The following CADPS variants were observed in gnomAD, a reference collection of about 807,000 sequenced individuals.
CADPS encodes calcium-dependent secretion activator 1.
Under a neutral mutation model 167.3 loss-of-function variants are expected in CADPS, and 57 were observed. The ratio of observed to expected loss-of-function variants is 0.34; its 90% CI spans 0.28 to 0.42. The LOEUF is 0.42. Ranked by LOEUF, CADPS falls within the 20% of genes least tolerant of loss-of-function variation. CADPS has a pLI of 1.00. For synonymous variants in CADPS, 676 were observed against 635.3 expected, an observed-to-expected ratio of 1.06 and a Z score of -0.96; for missense variants, 1,414 against 1,738.1, an observed-to-expected ratio of 0.81 and a Z score of 3.32.
intron 6 of CADPS, among the ~76,000 whole-genome samples, chr3:62,611,609 C>T (rs2061507713): frequency 6.6e-6 from 1 of 152,244 alleles, no homozygotes; most frequent in African/African-American, 2.4e-5. Context: ...TGAACCTTCA[C>T]TGTCTCTGAC....
At position 62,652,966 on chromosome 3, in the gene CADPS, T is replaced by G. The variant is rs188687528; in HGVS notation, c.970-1886A>C. ...TCTCCATAGAGCTTGGAGATGTCTT[T>G]GTGCTGGTCCAGTGCCAGTCTCCTT... On this transcript the variant is annotated intron_variant, in intron 4 of 29. Transcript: ENST00000383710. Among the ~76,000 whole-genome samples the G allele has an allele frequency of 1.1e-4, 16 of 152,286 alleles. 1 individual carries two copies. Among genetic ancestry groups the G allele is most frequent in the Middle Eastern group, 6.8e-3 (2 of 294 alleles).
chr3:62,756,752 T>A (rs570488945), intron 2 of CADPS, among the ~76,000 whole-genome samples: 1 of 152,274 alleles, frequency 6.6e-6, no homozygotes, highest in East Asian at 1.9e-4. Flanking sequence ...AGCTGTAATT[T>A]ATTTTAGAGA....
chr3:62,694,737 T>G (rs1216910871), intron 3 of CADPS, among the ~76,000 whole-genome samples: 3 of 152,012 alleles, frequency 2.0e-5, no homozygotes, highest in African/African-American at 7.3e-5. Context: ...GCCCATAGAA[T>G]TAACAGGTCC....
chr3:62,599,087 T>C (rs539015769), intron 6 of CADPS, among the ~76,000 whole-genome samples: 1 of 152,094 alleles, frequency 6.6e-6, no homozygotes, highest in African/African-American at 2.4e-5. Flanking sequence ...GCTATTAAGA[T>C]GAATACCTCT....
chr3:62,443,810 T>C (rs2056774937), intron 27 of CADPS, among the ~76,000 whole-genome samples: 1 of 152,200 alleles, frequency 6.6e-6, no homozygotes, highest in Admixed American at 6.5e-5. Context: ...GTCTTCATAG[T>C]AGCATGAAAA....
At chr3:62,542,267 C>A (rs985940104) in intron 11 of CADPS, among the ~76,000 whole-genome samples, 2 of 152,122 alleles carry the variant, frequency 1.3e-5, no homozygotes, top group Non-Finnish European at 2.9e-5. Flanking sequence ...TAATGCAACT[C>A]TAAAGTCATC....
intron 3 of CADPS, among the ~76,000 whole-genome samples, chr3:62,685,803 A>C (rs965494095): frequency 9.9e-5 from 15 of 152,092 alleles, no homozygotes; most frequent in Non-Finnish European, 1.9e-4. Flanking sequence ...TGTGCGGTTC[A>C]CAGTAGGGTT....
intron 3 of CADPS, among the ~76,000 whole-genome samples, chr3:62,732,049 C>T (rs1342790484): frequency 1.3e-5 from 2 of 151,984 alleles, no homozygotes; most frequent in African/African-American, 4.8e-5. Context: ...AGAACTTTCA[C>T]AAACATTGTC....
chr3:62,542,534 A>T (rs1439499056), intron 11 of CADPS, among the ~76,000 whole-genome samples: 2 of 152,106 alleles, frequency 1.3e-5, no homozygotes, highest in Non-Finnish European at 2.9e-5. Flanking sequence ...GCCCTGCCTG[A>T]GCTCTGCACA....
chr3:62,518,274 T>C, intron 13 of CADPS, 24 bp from the exon 14 acceptor site: 8 of 1,547,306 alleles, frequency 5.2e-6, no homozygotes, highest in African/African-American at 1.4e-5. Flanking sequence ...TGTCATGAAA[T>C]GACGGGAACC....
At chr3:62,418,242 A>G (rs560489775) in intron 28 of CADPS, among the ~76,000 whole-genome samples, 1 of 150,252 alleles carries the variant, frequency 6.7e-6, no homozygotes, top group Non-Finnish European at 1.5e-5. Context: ...TTTAATTTTT[A>G]TTGTATTTTT....
chr3:62,663,609 T>G (rs1225468313), intron 3 of CADPS, among the ~76,000 whole-genome samples: 1 of 44,992 alleles, frequency 2.2e-5, no homozygotes, highest in Non-Finnish European at 4.2e-5. Flanking sequence ...GCTCCCTGCC[T>G]CCAAAAAAAA....
At chr3:62,430,432 T>C (rs2053685510) in intron 28 of CADPS, among the ~76,000 whole-genome samples, 1 of 152,156 alleles carries the variant, frequency 6.6e-6, no homozygotes. Flanking sequence ...ATCAAAACTG[T>C]TAAAAGCAGA....
intron 11 of CADPS, 106 bp downstream of exon 11, chr3:62,549,797 G>A (rs959650641): frequency 1.2e-6 from 1 of 861,386 alleles, no homozygotes; most frequent in African/African-American, 1.7e-5. Context: ...CAGCAAACAT[G>A]ATTTTATAAA....
rs934040045 is a variant in CADPS at position 62,544,020 on chromosome 3, T to A, written c.1966+5883A>T. Among the ~76,000 whole-genome samples, 1 of 151,730 alleles carries A rather than the reference T, an allele frequency of 6.6e-6. No homozygotes were observed. The highest frequency in any genetic ancestry group is 1.5e-5 in the Non-Finnish European group (1 of 67,912). On this transcript the variant is annotated intron_variant, in intron 11 of 29. Coordinates refer to ENST00000383710, the MANE Select transcript of CADPS (RefSeq NM_003716.4). The surrounding 1 kb of genome is among the most constrained non-coding windows in gnomAD (Gnocchi z 4.4). ...ATTGTTGTCATTGTTCTTGGGGGAG[T>A]AGCAGAATGACATTTGATACCAGAG...
chr3:62,675,389 T>G (rs1385625560), intron 3 of CADPS, among the ~76,000 whole-genome samples: 3 of 152,198 alleles, frequency 2.0e-5, no homozygotes, highest in Admixed American at 6.5e-5. Flanking sequence ...ATTGCTTGAT[T>G]CTCTAGTTTA....
At chr3:62,870,923 A>G (rs1401111945) in intron 1 of CADPS, among the ~76,000 whole-genome samples, 1 of 152,154 alleles carries the variant, frequency 6.6e-6, no homozygotes, top group East Asian at 1.9e-4. Flanking sequence ...CATTCTGACA[A>G]AAGAAGAAGA....
chr3:62,729,584 A>T (rs537850928), intron 3 of CADPS, among the ~76,000 whole-genome samples: 1 of 151,982 alleles, frequency 6.6e-6, no homozygotes, highest in Admixed American at 6.5e-5. Flanking sequence ...AGCATTTTGC[A>T]TCTCAATTTC....
At chr3:62,437,114 C>T (rs953617448) in intron 28 of CADPS, among the ~76,000 whole-genome samples, 3 of 151,810 alleles carry the variant, frequency 2.0e-5, no homozygotes, top group African/African-American at 4.8e-5. Context: ...TTCGCATTGG[C>T]ACTAAAAATA....
Sources: gnomAD v4.1 joint callset for allele counts (sites outside exome capture counted in the v4.1 genomes callset) on GRCh38, gnomAD v4.1.1 for gene constraint, Gnocchi (gnomAD v3.1) non-coding constraint, MANE v1.5 for transcripts, NCBI Gene and HGNC (gene_info 2026-07-23, HGNC 2026-07-21) for gene names.